The following PPAT variants were observed in gnomAD, a reference collection of about 807,000 sequenced individuals.
PPAT encodes the protein phosphoribosyl pyrophosphate amidotransferase.
In PPAT, 20 loss-of-function variants were observed where a neutral mutation model predicts 60.2. The observed-to-expected ratio is 0.33, with a 90% CI of 0.23 to 0.48. The LOEUF (loss-of-function observed/expected upper bound fraction) is 0.48, where lower values mean the gene tolerates loss of function less well. Among genes scored for constraint, PPAT ranks in the 20% least tolerant of loss-of-function variants. The pLI is 0.99. For missense variants in PPAT, 349 were observed against 629.6 expected (o/e 0.55, Z 4.77); for synonymous variants, 194 against 215.1 (o/e 0.90, Z 0.86).
At chr4:56,412,372 G>C (rs952611321) in intron 1 of PPAT, among the ~76,000 whole-genome samples, 1 of 150,610 alleles carries the variant, frequency 6.6e-6, no homozygotes, top group Non-Finnish European at 1.5e-5. Flanking sequence ...GCAGTGGTGT[G>C]ATCTTGGCTC....
In PPAT at chr4:56,401,551, T is replaced by C; in HGVS notation, c.735-70A>G. On this transcript the variant is annotated intron_variant, in intron 6 of 10. Coordinates refer to ENST00000264220, the MANE Select transcript of PPAT (RefSeq NM_002703.5). ...CCTTAAGGCTGATGAAAATATTAATTATAAAGCACACAGAGTACCTTCCCT... is the reference window on the plus strand; with the variant it reads ...CCTTAAGGCTGATGAAAATATTAATCATAAAGCACACAGAGTACCTTCCCT... 3.0e-6 allele frequency: 4 copies of C among 1,336,140 alleles called. 1 individual carries two copies. In the South Asian group the frequency reaches 4.0e-5, roughly 13 times the overall value. 82.8% of individuals were successfully genotyped at this position (1,336,140 alleles called of 1,614,324 possible).
chr4:56,402,724 G>C (rs965740236), intron 5 of PPAT, among the ~76,000 whole-genome samples: 1 of 149,498 alleles, frequency 6.7e-6, no homozygotes, highest in Non-Finnish European at 1.5e-5. Context: ...GCTGAGGTAG[G>C]AGAATCACTT....
chr4:56,434,096 T>A (rs997057074), intron 1 of PPAT, among the ~76,000 whole-genome samples: 5 of 151,924 alleles, frequency 3.3e-5, no homozygotes, highest in Admixed American at 6.6e-5. Flanking sequence ...AAACTTTTTT[T>A]AAAAAAAACA....
Position 56,410,854 on chromosome 4 carries a change from C to T in PPAT, c.129-3138G>A, listed in dbSNP as rs939316478. 159 of 965,018 alleles carry T rather than the reference C, an allele frequency of 1.6e-4. 1 individual carries two copies. The highest frequency in any genetic ancestry group is 1.9e-4 in the Non-Finnish European group (155 of 826,728). 59.8% of individuals were successfully genotyped at this position (965,018 alleles called of 1,614,324 possible). On this transcript the variant is annotated intron_variant, in intron 1 of 10. Coordinates refer to ENST00000264220, the MANE Select transcript of PPAT (RefSeq NM_002703.5). ...CAGAGGAAGATGCAAATGGCAGGTA[C>T]CTGGAAACGCTCAGCCCAAGTACAG...
At chr4:56,405,679 G>A (rs1199620537) in intron 3 of PPAT, among the ~76,000 whole-genome samples, 1 of 152,226 alleles carries the variant, frequency 6.6e-6, no homozygotes, top group Admixed American at 6.5e-5. Context: ...CTGGAGGGTG[G>A]TGCCCCTGGA....
Position 56,434,464 on chromosome 4 carries a change from G to C in PPAT, c.128+886C>G, listed in dbSNP as rs142846691. Among the ~76,000 whole-genome samples the C allele has an allele frequency of 3.3e-4, 50 of 152,262 alleles. 1 individual carries two copies. The East Asian group carries it at 9.3e-3, about 28-fold the overall frequency. ...ACCCAGGTTTGTTTTTCTTATCCTA[G>C]TGTAATAATTTATATCAACTTCCAG... On this transcript the variant is annotated intron_variant, in intron 1 of 10. Coordinates refer to ENST00000264220, the MANE Select transcript of PPAT (RefSeq NM_002703.5).
intron 10 of PPAT, 37 bp from the exon 11 acceptor site, chr4:56,395,585 T>G: frequency 7.0e-7 from 1 of 1,434,164 alleles, no homozygotes; most frequent in Non-Finnish European, 9.2e-7. Flanking sequence ...GTAATAAGAA[T>G]TCCTTTAGAA....
At chr4:56,412,776 T>A (rs1181925770) in intron 1 of PPAT, among the ~76,000 whole-genome samples, 1 of 152,200 alleles carries the variant, frequency 6.6e-6, no homozygotes, top group Non-Finnish European at 1.5e-5. Flanking sequence ...AACTTCATCA[T>A]GTCTCATATG....
chr4:56,435,310 T>C lies in PPAT; in HGVS notation c.128+40A>G, dbSNP rs747126936. On this transcript the variant is annotated intron_variant, in intron 1 of 10. Coordinates refer to ENST00000264220, the MANE Select transcript of PPAT (RefSeq NM_002703.5). ...GACTGCGGGAAGCGGCTCCGAGAGA[T>C]GGAGACGCACGCCCCCGCCACCCCC... 20 of 1,609,942 alleles carry C rather than the reference T, an allele frequency of 1.2e-5. No homozygotes were observed. In the South Asian group the frequency reaches 1.8e-4, roughly 14 times the overall value.
intron 1 of PPAT, chr4:56,416,315 C>T (rs1158860719): frequency 1.5e-5 from 4 of 261,128 alleles, no homozygotes; most frequent in African/African-American, 6.9e-5. Flanking sequence ...AATTATCAGT[C>T]ATGTTGTTTC....
chr4:56,408,428 C>T (rs1716301817), intron 1 of PPAT: 1 of 109,840 alleles, frequency 9.1e-6, no homozygotes, highest in Non-Finnish European at 1.8e-5. Flanking sequence ...AGCGGAGACT[C>T]CGTCTCAAAA....
At chr4:56,410,934 G>C (rs1279060382) in intron 1 of PPAT, 2 of 876,060 alleles carry the variant, frequency 2.3e-6, no homozygotes, top group African/African-American at 4.5e-5. Flanking sequence ...AAAAAGAAAA[G>C]TACTCTTGTT....
At chr4:56,402,065 T>C (rs777903237) in intron 6 of PPAT, 44 bp downstream of exon 6, 20 of 1,449,718 alleles carry the variant, frequency 1.4e-5, no homozygotes, top group Non-Finnish European at 1.7e-5. Context: ...AAAAATTCTT[T>C]TCAACATGGG....
chr4:56,434,660 G>T (rs1468762721), intron 1 of PPAT, among the ~76,000 whole-genome samples: 1 of 152,124 alleles, frequency 6.6e-6, no homozygotes, highest in Non-Finnish European at 1.5e-5. Flanking sequence ...TATTACCAAC[G>T]TTTTCATTCA....
In PPAT at chr4:56,435,484, G is replaced by A; in HGVS notation, c.-7C>T. 1 of 1,613,182 alleles carries A rather than the reference G, an allele frequency of 6.2e-7. No homozygotes were observed. Among genetic ancestry groups the A allele is most frequent in the South Asian group, 1.1e-5 (1 of 91,040 alleles). On this transcript the variant is annotated 5_prime_UTR_variant, in exon 1 of 11. Coordinates refer to ENST00000264220, the MANE Select transcript of PPAT (RefSeq NM_002703.5). ...CCAACTCCTCCAGCTCCATGTCGCC[G>A]CCGAAAGCACGTGGAAGGACCTGCC...
In PPAT at chr4:56,402,043, A is replaced by C. The variant is rs553624850; in HGVS notation, c.734+66T>G. ...ACTTTCAAACTTTCACATAAATAAG[A>C]AACTGTCTAAAAAAAATTCTTTTCA... On this transcript the variant is annotated intron_variant, in intron 6 of 10. Coordinates refer to ENST00000264220, the MANE Select transcript of PPAT (RefSeq NM_002703.5). 2.9e-4 allele frequency: 371 copies of C among 1,261,698 alleles called. 6 individuals are homozygous for C. The South Asian group carries it at 4.3e-3, about 15-fold the overall frequency. 78.2% of individuals were successfully genotyped at this position (1,261,698 alleles called of 1,614,324 possible).
intron 4 of PPAT, 42 bp downstream of exon 4, chr4:56,403,247 C>A (rs752836099): frequency 6.3e-7 from 1 of 1,597,440 alleles, no homozygotes; most frequent in South Asian, 1.1e-5. Context: ...AGGCAAAACT[C>A]TCCTTACTAG....
At chr4:56,402,287 A>G (rs367595117) in intron 5 of PPAT, 106 bp from the exon 6 acceptor site, 4 of 732,406 alleles carry the variant, frequency 5.5e-6, no homozygotes, top group Non-Finnish European at 8.6e-6. Flanking sequence ...CTCATAGAAT[A>G]GCCATTTCTA....
chr4:56,396,604 A>T lies in PPAT; in HGVS notation c.1357+15T>A. 6.3e-7 allele frequency: 1 copy of T among 1,592,182 alleles called. No individual in the cohort carries two copies. The highest frequency in any genetic ancestry group is 8.6e-7 in the Non-Finnish European group (1 of 1,165,988). ...TCTGTTAATAATCAAAGTTTATAGA[A>T]ATTTTAATACTTACCTAGATATTCT... On this transcript the variant is annotated intron_variant, in intron 10 of 10. Coordinates refer to ENST00000264220, the MANE Select transcript of PPAT (RefSeq NM_002703.5). The surrounding 1 kb of genome is among the most constrained non-coding windows in gnomAD (Gnocchi z 4.6).
Sources: gnomAD v4.1 joint callset for allele counts (sites outside exome capture counted in the v4.1 genomes callset) on GRCh38, gnomAD v4.1.1 for gene constraint, Gnocchi (gnomAD v3.1) non-coding constraint, MANE v1.5 for transcripts, NCBI Gene and HGNC (gene_info 2026-07-23, HGNC 2026-07-21) for gene names.